Variants in AFAP1 observed in about 807,000 individuals in gnomAD.
The protein encoded by AFAP1 is actin filament-associated protein 1.
Under a neutral mutation model 93.9 loss-of-function variants are expected in AFAP1, and 75 were observed. The ratio of observed to expected loss-of-function variants is 0.80; its 90% confidence interval spans 0.66 to 0.97. The LOEUF (loss-of-function observed/expected upper bound fraction) is 0.97, where lower values mean the gene tolerates loss of function less well. Among genes scored for constraint, AFAP1 ranks in the 50% least tolerant of loss-of-function variants. AFAP1 has a pLI of 0.00. For missense variants in AFAP1, 1,201 were observed against 1,050.8 expected, an observed-to-expected ratio of 1.14 and a Z score of -1.98; for synonymous variants, 517 against 430.7, an observed-to-expected ratio of 1.20 and a Z score of -2.48.
At chr4:7,919,313 T>G (rs1422976877) in intron 1 of AFAP1, among the ~76,000 whole-genome samples, 3 of 152,238 alleles carry the variant, frequency 2.0e-5, no homozygotes, top group Non-Finnish European at 4.4e-5. Flanking sequence ...GCAGCACGCA[T>G]CACTGCAACA....
rs1553844920 is a variant in AFAP1 at position 7,843,024 on chromosome 4, A to ACAGCTCAGGG, written c.546+114_546+115insCCCTGAGCTG. 5,766 of 1,199,192 alleles carry ACAGCTCAGGG rather than the reference A, an allele frequency of 4.8e-3. 85 individuals carry two copies. Among genetic ancestry groups the ACAGCTCAGGG allele is most frequent in the African/African-American group, 0.045 (3,018 of 66,392 alleles). The allele number at this position is 1,199,192 out of a possible 1,614,324, so 74.3% of individuals were successfully genotyped here. Reference sequence around the variant, plus strand: ...GCGGCTAGCTCAGGGCACCTGGCTGACACCTGAGTGCTGCCCTTCCTGCAC... The same window carrying ACAGCTCAGGG: ...GCGGCTAGCTCAGGGCACCTGGCTGACAGCTCAGGGCACCTGAGTGCTGCCCTTCCTGCAC... On this transcript the variant is annotated intron_variant, in intron 5 of 17. Coordinates refer to ENST00000420658, the MANE Select transcript of AFAP1 (RefSeq NM_001134647.2).
intron 1 of AFAP1, among the ~76,000 whole-genome samples, chr4:7,899,231 G>A (rs28379782): frequency 0.97 from 147,311 of 152,062 alleles, 71,386 homozygotes; most frequent in African/African-American, 0.99. Flanking sequence ...ACCTATAGGC[G>A]CCCCCACTGA....
At position 7,843,354 on chromosome 4, in the gene AFAP1, T is replaced by TA. The variant is rs777725147; in HGVS notation, c.335-5dup. 16 of 1,608,380 alleles carry TA rather than the reference T, an allele frequency of 9.9e-6. No homozygotes were observed. The East Asian group carries it at 1.3e-4, about 13-fold the overall frequency. On this transcript the variant is annotated splice_region_variant and splice_polypyrimidine_tract_variant and intron_variant, in intron 4 of 17. Coordinates refer to ENST00000420658, the MANE Select transcript of AFAP1 (RefSeq NM_001134647.2). ...CTCATCGCATCGGAATCATAATCTG[T>TA]AAAAAATAAACATACACTGGTAAAA...
At chr4:7,904,742 C>T (rs954602883) in intron 1 of AFAP1, among the ~76,000 whole-genome samples, 2 of 152,066 alleles carry the variant, frequency 1.3e-5, no homozygotes, top group African/African-American at 2.4e-5. Flanking sequence ...CGGGGTCTTG[C>T]TCTGACCAGG....
chr4:7,898,464 A>T (rs980825217), intron 1 of AFAP1, among the ~76,000 whole-genome samples: 2 of 151,828 alleles, frequency 1.3e-5, no homozygotes, highest in East Asian at 3.9e-4. Flanking sequence ...CTTTCACCCT[A>T]CCCTGCATTC....
intron 1 of AFAP1, among the ~76,000 whole-genome samples, chr4:7,923,102 GAAA>G (rs1257043498): frequency 2.1e-4 from 32 of 150,924 alleles, no homozygotes; most frequent in African/African-American, 7.6e-4. Context: ...ATGAGAGAGG[GAAA>G]AGAGAAATTA....
At chr4:7,781,197 C>A (rs1322813923) in intron 13 of AFAP1, among the ~76,000 whole-genome samples, 179 bp downstream of exon 13, 2 of 151,906 alleles carry the variant, frequency 1.3e-5, no homozygotes, top group Non-Finnish European at 2.9e-5. Flanking sequence ...ACCATGAGCT[C>A]GTTAGAAATA....
intron 1 of AFAP1, among the ~76,000 whole-genome samples, chr4:7,908,417 G>C (rs1399218333): frequency 6.6e-6 from 1 of 152,124 alleles, no homozygotes; most frequent in African/African-American, 2.4e-5. Flanking sequence ...CCAATGTCTA[G>C]CCTAGAAGAC....
At chr4:7,833,839 C>T (rs1322425747) in intron 6 of AFAP1, among the ~76,000 whole-genome samples, 1 of 152,060 alleles carries the variant, frequency 6.6e-6, no homozygotes, top group East Asian at 1.9e-4. Context: ...CTGCCTGCCT[C>T]GGCCTCCCAA....
intron 9 of AFAP1, among the ~76,000 whole-genome samples, chr4:7,808,703 G>A (rs1577236231): frequency 6.6e-6 from 1 of 152,274 alleles, no homozygotes; most frequent in East Asian, 1.9e-4. Context: ...CCTGGTGGGA[G>A]GTGCTTGGGT....
intron 9 of AFAP1, among the ~76,000 whole-genome samples, chr4:7,809,120 T>G (rs1261965644): frequency 6.6e-6 from 1 of 152,012 alleles, no homozygotes; most frequent in African/African-American, 2.4e-5. Flanking sequence ...GCAGGTTAGT[T>G]ACATATGTAT....
At chr4:7,777,655 T>A (rs1378638309) in intron 14 of AFAP1, 1 of 152,196 alleles carries the variant, frequency 6.6e-6, no homozygotes, top group African/African-American at 2.4e-5. Flanking sequence ...CAGATTCAGA[T>A]TTGAAAATCT....
chr4:7,861,059 T>G (rs1160593939), intron 3 of AFAP1, among the ~76,000 whole-genome samples: 1 of 152,246 alleles, frequency 6.6e-6, no homozygotes, highest in Non-Finnish European at 1.5e-5. Context: ...TGATCTTAGC[T>G]GAGAAATACA....
intron 4 of AFAP1, among the ~76,000 whole-genome samples, chr4:7,846,909 A>G (rs745627509): frequency 4.6e-5 from 7 of 152,218 alleles, no homozygotes; most frequent in Non-Finnish European, 8.8e-5. Flanking sequence ...CAGGACTGAA[A>G]CATGAACCCG....
intron 1 of AFAP1, among the ~76,000 whole-genome samples, chr4:7,875,143 A>G (rs146531945): frequency 6.6e-5 from 10 of 152,338 alleles, no homozygotes; most frequent in African/African-American, 2.4e-4. Context: ...TGATTCATGC[A>G]AAAAGCCTAA....
chr4:7,820,498 A>T (rs570961909), intron 6 of AFAP1, among the ~76,000 whole-genome samples: 3 of 152,202 alleles, frequency 2.0e-5, no homozygotes, highest in Non-Finnish European at 4.4e-5. Context: ...TAAAGGAGAG[A>T]AGCTGGTAAA....
chr4:7,852,842 T>G (rs1714607801), intron 4 of AFAP1, among the ~76,000 whole-genome samples: 1 of 152,126 alleles, frequency 6.6e-6, no homozygotes, highest in South Asian at 2.1e-4. Flanking sequence ...CCATCTCACA[T>G]AAGAAGGGCT....
At chr4:7,837,731 G>C (rs1338775362) in intron 6 of AFAP1, among the ~76,000 whole-genome samples, 1 of 152,094 alleles carries the variant, frequency 6.6e-6, no homozygotes, top group African/African-American at 2.4e-5. Context: ...AAAAAAGAAT[G>C]GTTAGGGCTG....
intron 1 of AFAP1, among the ~76,000 whole-genome samples, chr4:7,884,439 G>C (rs1370198804): frequency 1.3e-5 from 2 of 152,156 alleles, no homozygotes; most frequent in African/African-American, 4.8e-5. Flanking sequence ...ACAATGAAGA[G>C]AGAATAGCCA....
Sources: gnomAD v4.1 joint callset for allele counts (sites outside exome capture counted in the v4.1 genomes callset) on GRCh38, gnomAD v4.1.1 for gene constraint, MANE v1.5 for transcripts, NCBI Gene and HGNC (gene_info 2026-07-23, HGNC 2026-07-21) for gene names.